TMEM108: variants seen among roughly 807,000 people sequenced by gnomAD.
The protein encoded by TMEM108 is cancer/testis antigen 124.
Under a neutral mutation model 35.1 loss-of-function variants are expected in TMEM108, and 12 were observed. The observed-to-expected ratio is 0.34, with a 90% CI of 0.22 to 0.55. The LOEUF (loss-of-function observed/expected upper bound fraction) is 0.55, where lower values mean the gene tolerates loss of function less well. Ranked by LOEUF, TMEM108 falls within the 20% of genes least tolerant of loss-of-function variation. The probability of loss-of-function intolerance (pLI) is 0.89; values close to 1 mark genes in which losing one functional copy is unlikely to be tolerated. For missense variants in TMEM108, 680 were observed against 753.3 expected, an observed-to-expected ratio of 0.90 and a Z score of 1.14; for synonymous variants, 287 against 308.6, an observed-to-expected ratio of 0.93 and a Z score of 0.73.
intron 3 of TMEM108, among the ~76,000 whole-genome samples, chr3:133,276,183 T>G (rs111490994): frequency 0.01 from 1,580 of 152,300 alleles, 24 homozygotes; most frequent in African/African-American, 0.035. Flanking sequence ...CATACAATAT[T>G]TGAATTTCAT....
chr3:133,290,217 GCTGACAATTTGGTAAAGAC>G (rs1306091852), intron 3 of TMEM108, among the ~76,000 whole-genome samples: 1 of 152,200 alleles, frequency 6.6e-6, no homozygotes, highest in African/African-American at 2.4e-5. Context: ...GCGTCCCTAA[GCTGACAATTTGGTAAAGAC>G]CTGAAAGAGG....
At chr3:133,144,834 T>A (rs1050642846) in intron 2 of TMEM108, among the ~76,000 whole-genome samples, 4 of 152,204 alleles carry the variant, frequency 2.6e-5, no homozygotes, top group Non-Finnish European at 5.9e-5. Flanking sequence ...TCCTGTAAAT[T>A]TGTTTAAGTT....
intron 3 of TMEM108, among the ~76,000 whole-genome samples, chr3:133,243,334 A>G (rs1385390341): frequency 6.6e-6 from 1 of 152,156 alleles, no homozygotes; most frequent in African/African-American, 2.4e-5. Flanking sequence ...GGCTTAGACA[A>G]ATATAGTTAA....
At chr3:133,310,507 A>C (rs1046476684) in intron 3 of TMEM108, among the ~76,000 whole-genome samples, 3 of 133,842 alleles carry the variant, frequency 2.2e-5, no homozygotes, top group African/African-American at 8.5e-5. Context: ...CTGTTTTATC[A>C]GAGACTAGGA....
chr3:133,247,780 C>A (rs1946408553), intron 3 of TMEM108: 1 of 152,096 alleles, frequency 6.6e-6, no homozygotes, highest in Non-Finnish European at 1.5e-5. Flanking sequence ...ATGCTAAGCA[C>A]TGGGAATGAA....
intron 2 of TMEM108, among the ~76,000 whole-genome samples, chr3:133,083,373 A>C (rs990238886): frequency 6.6e-6 from 1 of 152,178 alleles, no homozygotes; most frequent in African/African-American, 2.4e-5. Flanking sequence ...GACAGATGAG[A>C]GAGTTGCCCA....
chr3:133,082,656 AT>A (rs1340711581), intron 2 of TMEM108, among the ~76,000 whole-genome samples: 1 of 151,750 alleles, frequency 6.6e-6, no homozygotes, highest in African/African-American at 2.4e-5. Context: ...ATTTATTATT[AT>A]TATTGTTGTT....
chr3:133,350,876 C>T (rs936125218), intron 3 of TMEM108, among the ~76,000 whole-genome samples: 1 of 152,128 alleles, frequency 6.6e-6, no homozygotes, highest in African/African-American at 2.4e-5. Flanking sequence ...TCCTAGCTTG[C>T]TGGCAAAGTA....
At chr3:133,211,729 A>G (rs1698824849) in intron 2 of TMEM108, among the ~76,000 whole-genome samples, 1 of 152,076 alleles carries the variant, frequency 6.6e-6, no homozygotes, top group African/African-American at 2.4e-5. Context: ...AGAGCAGAAC[A>G]CCCTCCCTCA....
At chr3:133,110,351 A>T (rs1470461642) in intron 2 of TMEM108, among the ~76,000 whole-genome samples, 1 of 152,196 alleles carries the variant, frequency 6.6e-6, no homozygotes, top group Non-Finnish European at 1.5e-5. Flanking sequence ...GGTGCTGGCT[A>T]TGTGCGTCAG....
chr3:133,128,736 A>G (rs951242497), intron 2 of TMEM108, among the ~76,000 whole-genome samples: 1 of 152,196 alleles, frequency 6.6e-6, no homozygotes, highest in Non-Finnish European at 1.5e-5. Flanking sequence ...TGAAGAAACA[A>G]AGGCCTGCAA....
At chr3:133,081,216 G>T (rs1559826407) in intron 2 of TMEM108, among the ~76,000 whole-genome samples, 1 of 152,188 alleles carries the variant, frequency 6.6e-6, no homozygotes, top group Non-Finnish European at 1.5e-5. Flanking sequence ...GGTTTGACAA[G>T]AGAAATTTGT....
At chr3:133,277,775 A>G (rs1946858046) in intron 3 of TMEM108, among the ~76,000 whole-genome samples, 1 of 152,236 alleles carries the variant, frequency 6.6e-6, no homozygotes, top group African/African-American at 2.4e-5. Context: ...GTGCCATGCA[A>G]CAGATATTTC....
At chr3:133,139,676 G>A (rs1188686551) in intron 2 of TMEM108, among the ~76,000 whole-genome samples, 1 of 152,134 alleles carries the variant, frequency 6.6e-6, no homozygotes, top group African/African-American at 2.4e-5. Context: ...ATCTTTAAAA[G>A]GCTGTCTTTA....
At chr3:133,375,485 G>A (rs997979291) in intron 3 of TMEM108, among the ~76,000 whole-genome samples, 1 of 152,226 alleles carries the variant, frequency 6.6e-6, no homozygotes, top group African/African-American at 2.4e-5. Flanking sequence ...GCAAATCCAT[G>A]CAAATAATAT....
chr3:133,232,233 G>A (rs1012165234), intron 3 of TMEM108, among the ~76,000 whole-genome samples: 6 of 152,164 alleles, frequency 3.9e-5, no homozygotes, highest in Non-Finnish European at 7.4e-5. Flanking sequence ...GGGTCATGGA[G>A]GTGGATCTCT....
At chr3:133,217,512 A>C (rs1478665154) in intron 2 of TMEM108, among the ~76,000 whole-genome samples, 2 of 151,994 alleles carry the variant, frequency 1.3e-5, no homozygotes, top group Non-Finnish European at 2.9e-5. Flanking sequence ...AACCAATGTC[A>C]TGGAGATTTT....
At chr3:133,386,035 A>C (rs2073139443) in intron 4 of TMEM108, among the ~76,000 whole-genome samples, 1 of 152,232 alleles carries the variant, frequency 6.6e-6, no homozygotes, top group Non-Finnish European at 1.5e-5. Context: ...CAGTAGGAAG[A>C]GTCTTAGACT....
intron 3 of TMEM108, among the ~76,000 whole-genome samples, chr3:133,312,264 A>G (rs2071139562): frequency 6.6e-6 from 1 of 152,216 alleles, no homozygotes; most frequent in South Asian, 2.1e-4. Context: ...TGCTCTCTTC[A>G]GAGCTGTCAG....
Sources: allele counts gnomAD v4.1 joint callset (sites outside exome capture counted in the v4.1 genomes callset), GRCh38; gene constraint gnomAD v4.1.1; transcripts MANE v1.5; gene names NCBI Gene and HGNC (gene_info 2026-07-23, HGNC 2026-07-21).